Variants in SGSM2 observed in about 807,000 individuals in gnomAD.
SGSM2 encodes small G protein signaling modulator 2.
In SGSM2, 89 loss-of-function variants were observed where a neutral mutation model predicts 126.6. That is an observed-to-expected ratio of 0.70 (90% CI 0.59 to 0.84). The LOEUF (loss-of-function observed/expected upper bound fraction) is 0.84. Among genes scored for constraint, SGSM2 ranks in the 40% least tolerant of loss-of-function variants. SGSM2 has a pLI of 0.00. For missense variants in SGSM2, 1,404 were observed against 1,416.6 expected, an observed-to-expected ratio of 0.99 and a Z score of 0.14; for synonymous variants, 614 against 574.3, an observed-to-expected ratio of 1.07 and a Z score of -0.99.
In SGSM2 at chr17:2,372,729, T is replaced by C; in HGVS notation, c.1789-224T>C. 1.2e-6 allele frequency: 1 copy of C among 803,104 alleles called. No individual in the cohort carries two copies. The highest frequency in any genetic ancestry group is 1.9e-6 in the Non-Finnish European group (1 of 514,520). The allele number at this position is 803,104 out of a possible 1,614,324, so 49.7% of individuals were successfully genotyped here. A position where few individuals can be genotyped will look rare whatever the true frequency, so the allele number is the denominator to read the frequency against. On this transcript the variant is annotated intron_variant, in intron 15 of 23. Coordinates refer to ENST00000268989, the MANE Select transcript of SGSM2 (RefSeq NM_014853.3). The surrounding 1 kb of genome is among the most constrained non-coding windows in gnomAD (Gnocchi z 6.0). Reference sequence around the variant, plus strand: ...GACCCTGGACAAAGCTTTGCCTCTCTCCGGGCGCCATTTCCTGCCCCTTAA... The same window carrying C: ...GACCCTGGACAAAGCTTTGCCTCTCCCCGGGCGCCATTTCCTGCCCCTTAA...
rs556933704 is a variant in SGSM2 at position 2,376,635 on chromosome 17, C to G, written c.2610-98C>G. 4.8e-5 allele frequency: 64 copies of G among 1,332,558 alleles called. No homozygotes were observed. The Admixed American group carries it at 1.0e-3, about 21-fold the overall frequency. 82.5% of individuals were successfully genotyped at this position (1,332,558 alleles called of 1,614,324 possible). A position where few individuals can be genotyped will look rare whatever the true frequency, so the allele number is the denominator to read the frequency against. On this transcript the variant is annotated intron_variant, in intron 19 of 23. Transcript: ENST00000268989. ...TGCCTTAGGGTCGTGGAAAGGCTGA[C>G]TTCTGGGCGGCAGGTGGCTCTGGAG...
At chr17:2,341,485 A>G (rs1200558160) in intron 1 of SGSM2, among the ~76,000 whole-genome samples, 2 of 152,222 alleles carry the variant, frequency 1.3e-5, no homozygotes, top group African/African-American at 4.8e-5. Flanking sequence ...AGGGGCCTCC[A>G]GGTCCTTCTT....
At position 2,364,158 on chromosome 17, in the gene SGSM2, CTG is replaced by C; in HGVS notation, c.908_909del (p.Leu303ArgfsTer130). On this transcript the variant is annotated frameshift_variant, in exon 8 of 24. Coordinates refer to ENST00000268989, the MANE Select transcript of SGSM2 (RefSeq NM_014853.3). LOFTEE classifies it high-confidence loss of function. The part of the protein sequence containing the change: ...WTPNQLMNGT[L>X]GDSELEKSVY... ...CCCCAACCAGCTCATGAATGGGACT[CTG>C]GGGGACTCCGAGCTGGAAAAGAGGT... 6.2e-7 allele frequency: 1 copy of C among 1,613,968 alleles called. No individual in the cohort carries two copies. The highest frequency in any genetic ancestry group is 8.5e-7 in the Non-Finnish European group (1 of 1,180,016).
In SGSM2 at chr17:2,375,786, G is replaced by T; in HGVS notation, c.2395G>T (p.Glu799Ter). 1 of 1,581,754 alleles carries T rather than the reference G, an allele frequency of 6.3e-7. No homozygotes were observed. Among genetic ancestry groups the T allele is most frequent in the Non-Finnish European group, 8.6e-7 (1 of 1,163,702 alleles). Residue 799 changes from glutamate to a stop codon, truncating the protein, a stop_gained, in exon 18 of 24, where the codon GAG becomes TAG. Coordinates refer to ENST00000268989, the MANE Select transcript of SGSM2 (RefSeq NM_014853.3). LOFTEE classifies it high-confidence loss of function. The part of the protein sequence containing the change: ...GPGPAAHTLR[E>*]PQDPSQEKPQ... Reference sequence around the variant, plus strand: ...CGGCCCTGCAGCTCACACTTTGAGGGAGCCCCAGGATCCCAGCCAGGAGAA... The same window carrying T: ...CGGCCCTGCAGCTCACACTTTGAGGTAGCCCCAGGATCCCAGCCAGGAGAA...
At chr17:2,345,838 G>A (rs2064576977) in intron 2 of SGSM2, among the ~76,000 whole-genome samples, 1 of 152,058 alleles carries the variant, frequency 6.6e-6, no homozygotes, top group South Asian at 2.1e-4. Context: ...TGTCAAAATT[G>A]GTGCTCAGTG....
In SGSM2 at chr17:2,361,925, G is replaced by A. The variant is rs1378272973; in HGVS notation, c.296+126G>A. 3 of 1,347,124 alleles carry A rather than the reference G, an allele frequency of 2.2e-6. No homozygotes were observed. The Admixed American group carries it at 6.9e-5, about 31-fold the overall frequency. The allele number at this position is 1,347,124 out of a possible 1,614,324, so 83.4% of individuals were successfully genotyped here. A position where few individuals can be genotyped will look rare whatever the true frequency, so the allele number is the denominator to read the frequency against. The stretch of plus-strand genomic sequence containing the variant: ...GTTCCTTGCAGGGCCTCTGGGTGAG[G>A]GATCAGCTTGAGGGAGGGGATTGGT... On this transcript the variant is annotated intron_variant, in intron 3 of 23. Coordinates refer to ENST00000268989, the MANE Select transcript of SGSM2 (RefSeq NM_014853.3).
intron 2 of SGSM2, among the ~76,000 whole-genome samples, chr17:2,349,921 G>A (rs543525982): frequency 1.3e-5 from 2 of 151,996 alleles, no homozygotes; most frequent in East Asian, 1.9e-4. Context: ...CCAAGTAGCT[G>A]GGACTACAGG....
rs1205233320 is a variant in SGSM2, at chr17:2,343,568, T to G, written c.81T>G (p.Ala27=). The G allele has an allele frequency of 2.5e-6, 4 of 1,614,064 alleles. No individual in the cohort carries two copies. The highest frequency in any genetic ancestry group is 3.4e-6 in the Non-Finnish European group (4 of 1,180,024). Residue 27 remains alanine, a synonymous_variant, in exon 2 of 24, where the codon GCT becomes GCG. Coordinates refer to ENST00000268989, the MANE Select transcript of SGSM2 (RefSeq NM_014853.3). ...AGGTGAAGCAAATCATGGAGGAGGC[T>G]GTCACCAGGAAGTTTGTGCATGAAG... ...KKEVKQIMEE[A]VTRKFVHEDS... is the part of the protein sequence containing the mutation.
Position 2,367,479 on chromosome 17 carries a change from G to A in SGSM2, c.1423+74G>A, listed in dbSNP as rs898142057. 3.3e-6 allele frequency: 5 copies of A among 1,520,564 alleles called. No homozygotes were observed. Among genetic ancestry groups the A allele is most frequent in the African/African-American group, 1.4e-5 (1 of 71,454 alleles). 94.2% of individuals were successfully genotyped at this position (1,520,564 alleles called of 1,614,324 possible). A position where few individuals can be genotyped will look rare whatever the true frequency, so the allele number is the denominator to read the frequency against. On this transcript the variant is annotated intron_variant, in intron 12 of 23. Coordinates refer to ENST00000268989, the MANE Select transcript of SGSM2 (RefSeq NM_014853.3). This position sits in a 1 kb window ranked among gnomAD's most constrained non-coding sequence, Gnocchi z 4.0. Reference sequence around the variant, plus strand: ...CCGGGCCCGCCTGCCACCCACCACAGGGGTTCGAACGGCAGTGTTGGCATT... The same window carrying A: ...CCGGGCCCGCCTGCCACCCACCACAAGGGTTCGAACGGCAGTGTTGGCATT...
rs1042490316 is a variant in SGSM2 at position 2,380,234 on chromosome 17, C to A, written c.*714C>A. The stretch of plus-strand genomic sequence containing the variant: ...CTCTGTGTATCTGTACAGCCTCGCT[C>A]CTGCCACCCCACCCTTGCGTTCTGC... On this transcript the variant is annotated 3_prime_UTR_variant, in exon 24 of 24. Coordinates refer to ENST00000268989, the MANE Select transcript of SGSM2 (RefSeq NM_014853.3). 6.5e-7 allele frequency: 1 copy of A among 1,536,076 alleles called. No homozygotes were observed. The highest frequency in any genetic ancestry group is 8.7e-7 in the Non-Finnish European group (1 of 1,146,874).
At chr17:2,365,091 G>C in intron 10 of SGSM2, 34 bp downstream of exon 10, 1 of 1,605,108 alleles carries the variant, frequency 6.2e-7, no homozygotes, top group Non-Finnish European at 8.5e-7. Context: ...GGGAAGGGCT[G>C]TGTGTGGGGT....
At position 2,373,430 on chromosome 17, in the gene SGSM2, A is replaced by G. The variant is rs1217952823; in HGVS notation, c.2017A>G (p.Thr673Ala). ...GCGGGAGCGGGAGGCCCACCCAGCC[A>G]CACGCACCAAGTTCTCCTCAGGCAG... Reference protein sequence around the residue: ...RQREREAHPATRTKFSSGSSI... With the variant: ...RQREREAHPAARTKFSSGSSI... The change falls in exon 17 of 24, where the codon ACA (threonine) becomes GCA (alanine). Residue 673 changes from threonine to alanine, a missense_variant. Physicochemically the swap from Thr to Ala is moderately conservative, Grantham distance 58. Transcript: ENST00000268989. The G allele has an allele frequency of 6.2e-7, 1 of 1,611,376 alleles. No homozygotes were observed. The highest frequency in any genetic ancestry group is 1.3e-5 in the African/African-American group (1 of 74,870).
At chr17:2,352,884 T>G in intron 2 of SGSM2, among the ~76,000 whole-genome samples, 1 of 135,754 alleles carries the variant, frequency 7.4e-6, no homozygotes, top group African/African-American at 2.9e-5. Context: ...TTCACGCCAT[T>G]CTCCTGCCTC....
intron 2 of SGSM2, among the ~76,000 whole-genome samples, chr17:2,359,035 G>A (rs1299705453): frequency 4.0e-5 from 6 of 151,864 alleles, no homozygotes; most frequent in Non-Finnish European, 5.9e-5. Context: ...CCCCTACCAC[G>A]CCCAGCTAAT....
At chr17:2,342,024 G>A (rs2064388833) in intron 1 of SGSM2, among the ~76,000 whole-genome samples, 2 of 152,094 alleles carry the variant, frequency 1.3e-5, no homozygotes, top group South Asian at 4.1e-4. Context: ...ACAATCTACA[G>A]CTATACACAA....
chr17:2,347,348 C>T (rs184561919), intron 2 of SGSM2, among the ~76,000 whole-genome samples: 1 of 151,308 alleles, frequency 6.6e-6, no homozygotes, highest in East Asian at 2.0e-4. Context: ...CTCAGGTGAT[C>T]TGCCCACCTT....
intron 17 of SGSM2, 125 bp from the exon 18 acceptor site, chr17:2,375,367 G>A: frequency 8.0e-7 from 1 of 1,248,526 alleles, no homozygotes; most frequent in Non-Finnish European, 1.1e-6. Context: ...CCACAGTGTT[G>A]GAGGCTGTGG....
At chr17:2,357,323 C>A (rs1037513523) in intron 2 of SGSM2, among the ~76,000 whole-genome samples, 14 of 152,058 alleles carry the variant, frequency 9.2e-5, no homozygotes, top group Admixed American at 1.3e-4. Flanking sequence ...TGTACCTGGG[C>A]TCAGCTGGCC....
chr17:2,349,174 G>A (rs576626782), intron 2 of SGSM2, among the ~76,000 whole-genome samples: 4 of 152,070 alleles, frequency 2.6e-5, no homozygotes, highest in East Asian at 3.9e-4. Flanking sequence ...TCAGGAGTTC[G>A]AGACCAGCCT....
Sources: gnomAD v4.1 joint callset for allele counts (sites outside exome capture counted in the v4.1 genomes callset) on GRCh38, gnomAD v4.1.1 for gene constraint, Gnocchi (gnomAD v3.1) non-coding constraint, MANE v1.5 for transcripts, NCBI Gene and HGNC (gene_info 2026-07-23, HGNC 2026-07-21) for gene names.